Variants in STK32C observed in about 807,000 individuals in gnomAD.
STK32C encodes the protein serine/threonine-protein kinase 32C.
In STK32C, 31 loss-of-function variants were observed where a neutral mutation model predicts 56.5. The ratio of observed to expected loss-of-function variants is 0.55; its 90% CI spans 0.41 to 0.74. The LOEUF is 0.74. Ranked by LOEUF, STK32C falls within the 30% of genes least tolerant of loss-of-function variation. The pLI is 0.00. For synonymous variants in STK32C, 309 were observed against 289.4 expected (o/e 1.07, Z -0.69); for missense variants, 544 against 676.9 (o/e 0.80, Z 2.18).
Position 132,255,468 on chromosome 10 carries a change from C to T in STK32C, c.263-9513G>A, listed in dbSNP as rs781415636. Among the ~76,000 whole-genome samples, 4 of 152,116 alleles carry T rather than the reference C, an allele frequency of 2.6e-5. No individual in the cohort carries two copies. Among genetic ancestry groups the T allele is most frequent in the Admixed American group, 6.5e-5 (1 of 15,282 alleles). On this transcript the variant is annotated intron_variant, in intron 1 of 11. Transcript: ENST00000298630. This position sits in a 1 kb window ranked among gnomAD's most constrained non-coding sequence, Gnocchi z 4.6. ...CGGGAACAAAGACCCACCACGCTGA[C>T]GGGCAGGGTTGACGCAGATGGGGAC...
At chr10:132,302,516 CAGG>C (rs974123935) in intron 1 of STK32C, among the ~76,000 whole-genome samples, 14 of 152,180 alleles carry the variant, frequency 9.2e-5, no homozygotes, top group African/African-American at 3.4e-4. Flanking sequence ...GGGTGCCCGG[CAGG>C]AGGCCAGGAC....
intron 2 of STK32C, among the ~76,000 whole-genome samples, chr10:132,234,457 CTAGG>C (rs1189217606): frequency 6.6e-6 from 1 of 152,208 alleles, no homozygotes; most frequent in African/African-American, 2.4e-5. Flanking sequence ...TGCCCTGCTG[CTAGG>C]TGAGGTCTCT....
At chr10:132,211,729 G>A (rs902957023) in intron 10 of STK32C, among the ~76,000 whole-genome samples, 8 of 152,176 alleles carry the variant, frequency 5.3e-5, no homozygotes, top group East Asian at 3.9e-4. Context: ...GGGGCCCTTC[G>A]CCCATGACTG....
intron 1 of STK32C, among the ~76,000 whole-genome samples, chr10:132,283,500 G>A (rs114120706): frequency 0.013 from 2,022 of 152,298 alleles, 54 homozygotes; most frequent in African/African-American, 0.046. Context: ...CCAGACAGAT[G>A]GGCAGTGGGG....
chr10:132,313,174 T>C (rs762263024), intron 1 of STK32C, among the ~76,000 whole-genome samples: 1 of 152,220 alleles, frequency 6.6e-6, no homozygotes, highest in Non-Finnish European at 1.5e-5. Context: ...AATGTTAAGC[T>C]GGAGACCATA....
At chr10:132,330,403 T>A in intron 1 of STK32C, 1 of 716,832 alleles carries the variant, frequency 1.4e-6, no homozygotes, top group Non-Finnish European at 2.6e-6. Flanking sequence ...AACACCCATG[T>A]CACTCCTCAT....
upstream of STK32C, chr10:132,307,953 G>A (rs1344522975): frequency 1.9e-6 from 2 of 1,045,646 alleles, no homozygotes; most frequent in Non-Finnish European, 1.2e-6. This position sits in a 1 kb window ranked among gnomAD's most constrained non-coding sequence, Gnocchi z 4.4. Flanking sequence ...GCTCTTCTGG[G>A]CGGTGGAACC....
intron 1 of STK32C, among the ~76,000 whole-genome samples, chr10:132,284,791 A>G (rs2065342711): frequency 6.7e-6 from 1 of 148,358 alleles, no homozygotes; most frequent in African/African-American, 2.5e-5. Flanking sequence ...AAGACCAGGC[A>G]TGAACCCAGA....
intron 1 of STK32C, among the ~76,000 whole-genome samples, chr10:132,316,375 G>A (rs2066310291): frequency 6.6e-6 from 1 of 152,176 alleles, no homozygotes; most frequent in African/African-American, 2.4e-5. Flanking sequence ...CACTTTAGGA[G>A]GCTGAGGTGG....
At position 132,228,124 on chromosome 10, in the gene STK32C, C is replaced by A; in HGVS notation, c.323G>T (p.Cys108Phe). 1 of 1,613,980 alleles carries A rather than the reference C, an allele frequency of 6.2e-7. No individual in the cohort carries two copies. Among genetic ancestry groups the A allele is most frequent in the Non-Finnish European group, 8.5e-7 (1 of 1,180,030 alleles). The change falls in exon 3 of 12, where the codon TGC becomes TTC. Residue 108 changes from cysteine to phenylalanine, a missense_variant. Cys to Phe is a radical substitution (Grantham distance 205). This residue lies in a region of STK32C where 182 missense variants were observed against 217.7 expected (regional missense o/e 0.84). Coordinates refer to ENST00000298630, the MANE Select transcript of STK32C (RefSeq NM_173575.4). Reference sequence around the variant, plus strand: ...CTCCGTGTCCCGCTTCTGCACAATGCACACCTGGAGGGCACAGGGCTGTTC... The same window carrying A: ...CTCCGTGTCCCGCTTCTGCACAATGAACACCTGGAGGGCACAGGGCTGTTC... ...AIGKGSFGKV[C>F]IVQKRDTEKM...
chr10:132,225,174 G>A lies in STK32C; in HGVS notation c.876+59C>T, dbSNP rs1590175861. 9 of 1,416,988 alleles carry A rather than the reference G, an allele frequency of 6.4e-6. No individual in the cohort carries two copies. The East Asian group carries it at 2.2e-4, about 35-fold the overall frequency. 87.8% of individuals were successfully genotyped at this position (1,416,988 alleles called of 1,614,324 possible). A position where few individuals can be genotyped will look rare whatever the true frequency, so the allele number is the denominator to read the frequency against. On this transcript the variant is annotated intron_variant, in intron 7 of 11. Transcript: ENST00000298630. ...GGGCAGCCACCCCCTCCCCAGCACT[G>A]GTGGGGGCAGAGAGCAGGGGCCTGG...
Position 132,226,892 on chromosome 10 carries a change from G to A in STK32C, c.547C>T (p.Gln183Ter), listed in dbSNP as rs768978835. ...TCCTCGGAGAACTGCACGTTCTGCT[G>A]CAGGTGGTAGCGCAGGTCCCCGCCC... The part of the protein sequence containing the change: ...LLGGDLRYHL[Q>*]QNVQFSEDTV... The change falls in exon 4 of 12, where the codon CAG becomes TAG. Residue 183 changes from glutamine (Q) to a stop codon, truncating the protein, a stop_gained. Coordinates refer to ENST00000298630, the MANE Select transcript of STK32C (RefSeq NM_173575.4). LOFTEE classifies it high-confidence loss of function. 2 of 1,613,494 alleles carry A rather than the reference G, an allele frequency of 1.2e-6. No individual in the cohort carries two copies.
intron 1 of STK32C, among the ~76,000 whole-genome samples, chr10:132,249,567 C>G (rs528363200): frequency 1.5e-3 from 232 of 152,262 alleles, no homozygotes; most frequent in African/African-American, 5.4e-3. Flanking sequence ...ACCTGTTGGC[C>G]CAGACCCCGC....
intron 1 of STK32C, chr10:132,330,610 C>A: frequency 1.5e-6 from 1 of 685,766 alleles, no homozygotes; most frequent in Non-Finnish European, 2.7e-6. Flanking sequence ...TAGGTTCAAG[C>A]GATCCTCTTG....
chr10:132,249,984 T>C (rs2063837530), intron 1 of STK32C, among the ~76,000 whole-genome samples: 1 of 152,242 alleles, frequency 6.6e-6, no homozygotes, highest in Non-Finnish European at 1.5e-5. Flanking sequence ...AGCCGGAATC[T>C]GTCAAAACAG....
At chr10:132,327,414 A>G (rs978778028) in intron 1 of STK32C, among the ~76,000 whole-genome samples, 1 of 152,120 alleles carries the variant, frequency 6.6e-6, no homozygotes, top group Admixed American at 6.5e-5. Flanking sequence ...AAAACAAACT[A>G]ATACAGAGGC....
chr10:132,253,506 C>T (rs1323586129), intron 1 of STK32C, among the ~76,000 whole-genome samples: 1 of 86,952 alleles, frequency 1.2e-5, no homozygotes, highest in Non-Finnish European at 2.2e-5. Flanking sequence ...GTCGAGGGAG[C>T]TGAGGGAGCT....
chr10:132,258,575 G>A (rs1018781199), intron 1 of STK32C, among the ~76,000 whole-genome samples: 12 of 152,242 alleles, frequency 7.9e-5, no homozygotes, highest in African/African-American at 2.7e-4. Flanking sequence ...GGGCCAGCGC[G>A]CAGGCCTTCC....
chr10:132,324,519 G>A, intron 1 of STK32C: 1 of 573,652 alleles, frequency 1.7e-6, no homozygotes, highest in Non-Finnish European at 3.1e-6. Context: ...GGGGCATTTT[G>A]AACATCTTCC....
Sources: gnomAD v4.1 joint callset for allele counts (sites outside exome capture counted in the v4.1 genomes callset) on GRCh38, gnomAD v4.1.1 for gene constraint, gnomAD v4.1.1 regional missense constraint, Gnocchi (gnomAD v3.1) non-coding constraint, MANE v1.5 for transcripts, NCBI Gene and HGNC (gene_info 2026-07-23, HGNC 2026-07-21) for gene names.